The following SLC26A7 variants were observed in gnomAD, a reference collection of about 807,000 sequenced individuals.
SLC26A7 encodes anion exchange transporter.
SLC26A7 carries 59 observed loss-of-function variants against 82.5 expected under a neutral mutation model. The ratio of observed to expected loss-of-function variants is 0.72; its 90% CI spans 0.58 to 0.89. The LOEUF (loss-of-function observed/expected upper bound fraction) is 0.89, where lower values mean the gene tolerates loss of function less well. Among genes scored for constraint, SLC26A7 ranks in the 40% least tolerant of loss-of-function variants. SLC26A7 has a pLI of 0.00. For missense variants in SLC26A7, 820 were observed against 793.0 expected, an observed-to-expected ratio of 1.03 and a Z score of -0.41; for synonymous variants, 271 against 274.3, an observed-to-expected ratio of 0.99 and a Z score of 0.12.
chr8:91,356,187 A>G (rs1256570600), intron 11 of SLC26A7, among the ~76,000 whole-genome samples: 4 of 152,228 alleles, frequency 2.6e-5, no homozygotes, highest in Non-Finnish European at 5.9e-5. Context: ...CGCAATAAAC[A>G]TACGTGTGCA....
chr8:91,322,981 G>A (rs1267117116), intron 5 of SLC26A7, among the ~76,000 whole-genome samples: 2 of 152,154 alleles, frequency 1.3e-5, no homozygotes, highest in African/African-American at 4.8e-5. Flanking sequence ...AAGGAAGTCA[G>A]AACCAATGAA....
intron 11 of SLC26A7, among the ~76,000 whole-genome samples, chr8:91,359,678 A>G (rs1381069103): frequency 6.6e-6 from 1 of 152,190 alleles, no homozygotes; most frequent in Non-Finnish European, 1.5e-5. Flanking sequence ...TAAGGGATTC[A>G]GCAGAGAAAA....
At chr8:91,253,725 C>G (rs1417821291) in intron 2 of SLC26A7, among the ~76,000 whole-genome samples, 2 of 152,068 alleles carry the variant, frequency 1.3e-5, no homozygotes, top group Non-Finnish European at 2.9e-5. Context: ...TCCCTTTGTA[C>G]TTTTTACATA....
Position 91,213,131 on chromosome 8 carries a change from G to A in SLC26A7, c.-150+3589G>A, listed in dbSNP as rs562026443. On this transcript the variant is annotated intron_variant, in intron 1 of 5. Coordinates refer to the SLC26A7 transcript ENST00000522862. Reference sequence around the variant, plus strand: ...TGAAAATTCCTTGTGAAATTCAGAGGATATTGATTATGCAGGGGGTGCTGT... The same window carrying A: ...TGAAAATTCCTTGTGAAATTCAGAGAATATTGATTATGCAGGGGGTGCTGT... Among the ~76,000 whole-genome samples the A allele has an allele frequency of 3.3e-5, 5 of 152,218 alleles. 1 individual carries two copies. In the South Asian group the frequency reaches 1.0e-3, roughly 32 times the overall value.
At chr8:91,372,184 G>T (rs928292623) in intron 15 of SLC26A7, among the ~76,000 whole-genome samples, 3 of 151,916 alleles carry the variant, frequency 2.0e-5, no homozygotes, top group African/African-American at 4.8e-5. Flanking sequence ...TCTCTAGGTT[G>T]TCTGTTTAAT....
intron 4 of SLC26A7, among the ~76,000 whole-genome samples, chr8:91,313,267 T>C (rs558891203): frequency 1.3e-5 from 2 of 152,292 alleles, no homozygotes; most frequent in East Asian, 3.9e-4. Context: ...TGAATGGTCT[T>C]GTACACTTGT....
chr8:91,356,935 C>T (rs925370292), intron 11 of SLC26A7, among the ~76,000 whole-genome samples: 4 of 152,140 alleles, frequency 2.6e-5, no homozygotes, highest in Admixed American at 2.6e-4. Flanking sequence ...GAGCAGCCCG[C>T]AGTTCTTATT....
At chr8:91,276,637 G>A (rs576870807) in intron 2 of SLC26A7, among the ~76,000 whole-genome samples, 1 of 152,268 alleles carries the variant, frequency 6.6e-6, no homozygotes, top group African/African-American at 2.4e-5. Context: ...TTTTATGGGG[G>A]TTAGAAGCTA....
intron 4 of SLC26A7, among the ~76,000 whole-genome samples, chr8:91,303,033 TA>T (rs1812211110): frequency 1.3e-5 from 2 of 152,152 alleles, no homozygotes; most frequent in Admixed American, 6.5e-5. Flanking sequence ...CGTTGTCTCA[TA>T]AGAAAGTCTT....
At chr8:91,262,218 A>G (rs995075911) in intron 2 of SLC26A7, among the ~76,000 whole-genome samples, 1 of 152,064 alleles carries the variant, frequency 6.6e-6, no homozygotes, top group African/African-American at 2.4e-5. Flanking sequence ...GCTAAGACAT[A>G]TAAACTCAGC....
chr8:91,384,114 C>A (rs949573412), intron 15 of SLC26A7, among the ~76,000 whole-genome samples: 1 of 152,156 alleles, frequency 6.6e-6, no homozygotes, highest in Non-Finnish European at 1.5e-5. Flanking sequence ...TGTTATTTTA[C>A]AGTTCTAGAT....
At chr8:91,273,773 C>G (rs2130738715) in intron 2 of SLC26A7, among the ~76,000 whole-genome samples, 1 of 152,244 alleles carries the variant, frequency 6.6e-6, no homozygotes, top group South Asian at 2.1e-4. Context: ...TCCGATAACA[C>G]TTTTTTGTGA....
intron 7 of SLC26A7, among the ~76,000 whole-genome samples, chr8:91,339,790 A>G (rs1423373364): frequency 6.6e-6 from 1 of 152,170 alleles, no homozygotes; most frequent in East Asian, 1.9e-4. Context: ...AATATTTTGA[A>G]CAGTTCTTTG....
chr8:91,364,663 C>A (rs1252187179), intron 13 of SLC26A7, among the ~76,000 whole-genome samples: 1 of 152,184 alleles, frequency 6.6e-6, no homozygotes, highest in East Asian at 1.9e-4. Context: ...AGCTTTGAGA[C>A]TGAATTTGGC....
intron 4 of SLC26A7, among the ~76,000 whole-genome samples, chr8:91,303,855 C>G (rs1483767625): frequency 6.6e-6 from 1 of 152,164 alleles, no homozygotes; most frequent in African/African-American, 2.4e-5. Flanking sequence ...CATCAACTTT[C>G]TTCTTTTGTA....
chr8:91,393,166 C>T (rs1429133835), intron 16 of SLC26A7, among the ~76,000 whole-genome samples: 2 of 152,116 alleles, frequency 1.3e-5, no homozygotes. Flanking sequence ...TACAGAAGTT[C>T]ATAGACTGAC....
Position 91,334,354 on chromosome 8 carries a change from C to T in SLC26A7, c.702C>T (p.Ser234=), listed in dbSNP as rs1370481758. The change falls in exon 6 of 19, where the codon TCC becomes TCT. Residue 234 remains serine, a synonymous_variant. Transcript: ENST00000276609. ...TGCGACTGGAAGCATTGCTTTTATCCTTGCTGAGCATTGTGGTCCTTGTTC... is the reference window on the plus strand; with the variant it reads ...TGCGACTGGAAGCATTGCTTTTATCTTTGCTGAGCATTGTGGTCCTTGTTC... ...KSVRLEALLL[S]LLSIVVLVLV... The T allele has an allele frequency of 1.9e-6, 3 of 1,613,348 alleles. No individual in the cohort carries two copies. Among genetic ancestry groups the T allele is most frequent in the East Asian group, 4.5e-5 (2 of 44,842 alleles).
intron 4 of SLC26A7, among the ~76,000 whole-genome samples, chr8:91,303,837 A>G (rs1191040610): frequency 6.6e-6 from 1 of 152,228 alleles, no homozygotes; most frequent in African/African-American, 2.4e-5. Flanking sequence ...TACTCTTCTC[A>G]GAAACATCAT....
At chr8:91,230,748 C>T (rs1005209978) in intron 2 of SLC26A7, among the ~76,000 whole-genome samples, 3 of 152,192 alleles carry the variant, frequency 2.0e-5, no homozygotes, top group Middle Eastern at 3.2e-3. Context: ...CCTTGAATTT[C>T]TAGAAGCTTA....
Sources: gnomAD v4.1 joint callset for allele counts (sites outside exome capture counted in the v4.1 genomes callset) on GRCh38, gnomAD v4.1.1 for gene constraint, MANE v1.5 for transcripts, NCBI Gene and HGNC (gene_info 2026-07-23, HGNC 2026-07-21) for gene names.